UBA6: variants seen among roughly 807,000 people sequenced by gnomAD.
UBA6 encodes ubiquitin like modifier activating enzyme 6.
In UBA6, 87 loss-of-function variants were observed where a neutral mutation model predicts 148.3. That is an observed-to-expected ratio of 0.59 (90% CI 0.49 to 0.70). The LOEUF is 0.70. Ranked by LOEUF, UBA6 falls within the 30% of genes least tolerant of loss-of-function variation. The pLI, the probability that UBA6 is intolerant of heterozygous loss-of-function variation, is 0.00. For synonymous variants in UBA6, 376 were observed against 401.0 expected (o/e 0.94, Z 0.75); for missense variants, 1,186 against 1,241.2 (o/e 0.96, Z 0.67).
At chr4:67,673,194 C>T (rs562390911) in intron 7 of UBA6, among the ~76,000 whole-genome samples, 1 of 152,100 alleles carries the variant, frequency 6.6e-6, no homozygotes, top group South Asian at 2.1e-4. Context: ...CAGTGGCTCA[C>T]CTGAGGTCAG....
At chr4:67,683,442 T>A (rs530601269) in intron 2 of UBA6, among the ~76,000 whole-genome samples, 91 of 152,296 alleles carry the variant, frequency 6.0e-4, no homozygotes, top group Non-Finnish European at 6.9e-4. Flanking sequence ...GGTACACACT[T>A]AAGAGTTGTT....
intron 3 of UBA6, 78 bp from the exon 4 acceptor site, chr4:67,681,669 T>C: frequency 1.1e-6 from 1 of 942,464 alleles, no homozygotes; most frequent in Non-Finnish European, 1.6e-6. Context: ...CTTAGTCACA[T>C]ATCTGACTGC....
intron 13 of UBA6, among the ~76,000 whole-genome samples, chr4:67,659,268 C>G (rs1729779561): frequency 6.6e-6 from 1 of 152,160 alleles, no homozygotes; most frequent in Admixed American, 6.6e-5. Context: ...TTAAGACTCT[C>G]ACTTCCTGAG....
At chr4:67,693,347 C>T (rs1217265748) in intron 2 of UBA6, among the ~76,000 whole-genome samples, 1 of 147,444 alleles carries the variant, frequency 6.8e-6, no homozygotes, top group Non-Finnish European at 1.5e-5. Context: ...TATATATATA[C>T]AGTATATAAT....
At chr4:67,633,524 T>C in intron 22 of UBA6, 51 bp from the exon 23 acceptor site, 1 of 1,487,488 alleles carries the variant, frequency 6.7e-7, no homozygotes, top group Non-Finnish European at 8.9e-7. Flanking sequence ...TACAAACATA[T>C]ACACATCCCT....
Position 67,644,723 on chromosome 4 carries a change from A to C in UBA6, c.1451T>G (p.Val484Gly). ...CATTCCTTTCTCTTTGCTTGTGCCA[A>C]CACCAAGTAAAGCAAAATTTTTCAA... ...EMLKNFALLG[V>G]GTSKEKGMIT... Residue 484 changes from valine to glycine, a missense_variant, in exon 17 of 33, where the codon GTT becomes GGT. Physicochemically the swap from Val to Gly is moderately radical, Grantham distance 109 (BLOSUM62 -3). Coordinates refer to ENST00000322244, the MANE Select transcript of UBA6 (RefSeq NM_018227.6). The C allele has an allele frequency of 6.2e-7, 1 of 1,609,424 alleles. No homozygotes were observed. Among genetic ancestry groups the C allele is most frequent in the Non-Finnish European group, 8.5e-7 (1 of 1,175,872 alleles).
At position 67,616,195 on chromosome 4, in the gene UBA6, G is replaced by A; in HGVS notation, c.*2802C>T. Reference sequence around the variant, plus strand: ...TTCAGAGAAAGCATTCAGATTATATGTTTTTGAATCTATGAAAAGTAAAAT... The same window carrying A: ...TTCAGAGAAAGCATTCAGATTATATATTTTTGAATCTATGAAAAGTAAAAT... On this transcript the variant is annotated 3_prime_UTR_variant, in exon 33 of 33. Transcript: ENST00000322244. 2.5e-6 allele frequency: 1 copy of A among 393,898 alleles called. No individual in the cohort carries two copies. The highest frequency in any genetic ancestry group is 1.3e-4 in the South Asian group (1 of 7,716). 24.4% of individuals were successfully genotyped at this position (393,898 alleles called of 1,614,324 possible).
At chr4:67,633,505 ACT>A in intron 22 of UBA6, 32 bp from the exon 23 acceptor site, 1 of 1,555,236 alleles carries the variant, frequency 6.4e-7, no homozygotes, top group African/African-American at 1.4e-5. Context: ...AAATCAACAT[ACT>A]TCCAATTACA....
At chr4:67,635,699 T>C in intron 19 of UBA6, 141 bp from the exon 20 acceptor site, 1 of 504,230 alleles carries the variant, frequency 2.0e-6, no homozygotes. Context: ...GATATACTAC[T>C]ATCAAACAGT....
chr4:67,662,608 C>A (rs1729890065), intron 12 of UBA6: 1 of 201,236 alleles, frequency 5.0e-6, no homozygotes. Context: ...GGATTACCGG[C>A]ATGCACCACC....
rs769649769 is a variant in UBA6 at position 67,694,215 on chromosome 4, C to CAAA, written c.134+2427_134+2429dup. 2.6e-4 allele frequency among the ~76,000 whole-genome samples: 11 copies of CAAA among 41,874 alleles called. 1 individual carries two copies. Among genetic ancestry groups the CAAA allele is most frequent in the Admixed American group, 4.8e-4 (1 of 2,062 alleles). The allele number at this position is 41,874 out of a possible 152,430, so 27.5% of individuals were successfully genotyped here. ...TGGATGACAGAGCAAGACTCCATCT[C>CAAA]AAAAAAAAAAAAAAAAAAAAAAAAA... On this transcript the variant is annotated intron_variant, in intron 2 of 32. Transcript: ENST00000322244.
chr4:67,686,994 A>T (rs1381255331), intron 2 of UBA6, among the ~76,000 whole-genome samples: 2 of 146,096 alleles, frequency 1.4e-5, no homozygotes, highest in Non-Finnish European at 3.0e-5. Flanking sequence ...AAAAAAATCA[A>T]AAACAACCTA....
chr4:67,674,564 A>C (rs1339551942), intron 6 of UBA6, among the ~76,000 whole-genome samples: 1 of 152,162 alleles, frequency 6.6e-6, no homozygotes, highest in Non-Finnish European at 1.5e-5. Flanking sequence ...ATATATGCTC[A>C]TATTTTTTAT....
intron 13 of UBA6, among the ~76,000 whole-genome samples, chr4:67,658,550 A>T (rs1304604967): frequency 6.6e-6 from 1 of 152,132 alleles, no homozygotes; most frequent in East Asian, 1.9e-4. Flanking sequence ...GGCCTACTGG[A>T]GGGTGGGAAG....
At chr4:67,632,821 GT>G (rs1027454095) in intron 23 of UBA6, among the ~76,000 whole-genome samples, 2 of 151,578 alleles carry the variant, frequency 1.3e-5, no homozygotes, top group African/African-American at 2.4e-5. Context: ...GGGAAACCCT[GT>G]TTTTTTGTTT....
rs537430640 is a variant in UBA6 at position 67,679,020 on chromosome 4, A to G, written c.259-487T>C. Among the ~76,000 whole-genome samples, 72 of 152,296 alleles carry G rather than the reference A, an allele frequency of 4.7e-4. 1 individual carries two copies. The South Asian group carries it at 0.014, about 30-fold the overall frequency. On this transcript the variant is annotated intron_variant, in intron 4 of 32. Transcript: ENST00000322244. ...CTGGAAATAATCAAAATGCCCACCA[A>G]TGGGGAACTGGCTTTAAGATGATAC... is the stretch of plus-strand genomic sequence containing the variant.
Position 67,634,235 on chromosome 4 carries a change from T to G in UBA6, c.2013+7A>C, listed in dbSNP as rs752776692. The G allele has an allele frequency of 7.0e-6, 11 of 1,566,744 alleles. No homozygotes were observed. The highest frequency in any genetic ancestry group is 1.4e-5 in the African/African-American group (1 of 72,458). On this transcript the variant is annotated splice_region_variant and intron_variant, in intron 22 of 32. Transcript: ENST00000322244. Reference sequence around the variant, plus strand: ...TTAAGTTTGTATTAAAATTTACTGATTTTTACCTGTAAGACTTCTTCTGCA... The same window carrying G: ...TTAAGTTTGTATTAAAATTTACTGAGTTTTACCTGTAAGACTTCTTCTGCA...
rs1729303475 is a variant in UBA6, at chr4:67,641,404, T to C, written c.1477-176A>G. Reference sequence around the variant, plus strand: ...ACCAATACTACTCTTTTATGTTTTATTTAATTGTAATTAATGTTTTACATA... The same window carrying C: ...ACCAATACTACTCTTTTATGTTTTACTTAATTGTAATTAATGTTTTACATA... On this transcript the variant is annotated intron_variant, in intron 17 of 32. Coordinates refer to ENST00000322244, the MANE Select transcript of UBA6 (RefSeq NM_018227.6). Among the ~76,000 whole-genome samples the C allele has an allele frequency of 2.6e-5, 4 of 152,230 alleles. No individual in the cohort carries two copies. In the South Asian group the frequency reaches 8.3e-4, roughly 31 times the overall value.
intron 4 of UBA6, among the ~76,000 whole-genome samples, chr4:67,679,094 G>A (rs1258568295): frequency 2.0e-5 from 3 of 151,780 alleles, no homozygotes; most frequent in Non-Finnish European, 2.9e-5. Flanking sequence ...AATGAAAGAT[G>A]TATTTATAAA....
Sources: allele counts gnomAD v4.1 joint callset (sites outside exome capture counted in the v4.1 genomes callset), GRCh38; gene constraint gnomAD v4.1.1; transcripts MANE v1.5; gene names NCBI Gene and HGNC (gene_info 2026-07-23, HGNC 2026-07-21).